NAALADL2: variants seen among roughly 807,000 people sequenced by gnomAD.
NAALADL2 encodes the protein N-acetylated alpha-linked acidic dipeptidase like 2.
A neutral mutation model predicts 87.2 loss-of-function variants in NAALADL2; 76 were observed. The ratio of observed to expected loss-of-function variants is 0.87; its 90% CI spans 0.72 to 1.05. The LOEUF is 1.05. Among genes scored for constraint, NAALADL2 ranks in the 50% least tolerant of loss-of-function variants. The pLI, the probability that NAALADL2 is intolerant of heterozygous loss-of-function variation, is 0.00. For synonymous variants in NAALADL2, 354 were observed against 331.0 expected, an observed-to-expected ratio of 1.07 and a Z score of -0.75; for missense variants, 1,089 against 945.8, an observed-to-expected ratio of 1.15 and a Z score of -1.99.
At chr3:174,956,677 A>G (rs897584716) in intron 1 of NAALADL2, among the ~76,000 whole-genome samples, 1 of 151,996 alleles carries the variant, frequency 6.6e-6, no homozygotes, top group Admixed American at 6.6e-5. Flanking sequence ...GGATCTAAAA[A>G]CACTTCTTTG....
In NAALADL2 at chr3:175,314,688, A is replaced by ATATGTATATATAGTTCTAAC. The variant is rs1553857534; in HGVS notation, c.940-9484_940-9483insGTATATATAGTTCTAACTAT. Among the ~76,000 whole-genome samples, 152 of 39,616 alleles carry ATATGTATATATAGTTCTAAC rather than the reference A, an allele frequency of 3.8e-3. 2 individuals are homozygous for ATATGTATATATAGTTCTAAC. Among genetic ancestry groups the ATATGTATATATAGTTCTAAC allele is most frequent in the Non-Finnish European group, 5.7e-3 (128 of 22,512 alleles). 26.0% of individuals were successfully genotyped at this position (39,616 alleles called of 152,430 possible). ...TAACTATATATATATATATATATATATATATATATATATATATATATATAT... is the reference window on the plus strand; with the variant it reads ...TAACTATATATATATATATATATATATATGTATATATAGTTCTAACTATATATATATATATATATATATAT... On this transcript the variant is annotated intron_variant, in intron 4 of 13. Coordinates refer to ENST00000454872, the MANE Select transcript of NAALADL2 (RefSeq NM_207015.3).
intron 3 of NAALADL2, among the ~76,000 whole-genome samples, chr3:174,816,539 T>A (rs1199244960): frequency 2.7e-5 from 4 of 148,264 alleles, no homozygotes; most frequent in African/African-American, 7.3e-5. Context: ...ATATAATTTT[T>A]AATATATATA....
chr3:174,855,805 CACACACACACACACAT>C (rs1329251305), upstream of NAALADL2, among the ~76,000 whole-genome samples: 29 of 149,408 alleles, frequency 1.9e-4, no homozygotes, highest in African/African-American at 6.4e-4. Context: ...CACACACACA[CACACACACACACACAT>C]GTATATGTCT....
chr3:174,919,800 T>C (rs188750193), intron 1 of NAALADL2, among the ~76,000 whole-genome samples: 1 of 152,340 alleles, frequency 6.6e-6, no homozygotes, highest in Admixed American at 6.5e-5. Flanking sequence ...TACAGCTTTA[T>C]GAAATGTGTT....
At chr3:175,103,913 A>C (rs1358338098) in intron 2 of NAALADL2, among the ~76,000 whole-genome samples, 5 of 152,140 alleles carry the variant, frequency 3.3e-5, no homozygotes, top group African/African-American at 1.2e-4. Flanking sequence ...CAATCTACCT[A>C]GAAACAAAAT....
At chr3:175,355,945 G>A (rs770414668) in intron 5 of NAALADL2, among the ~76,000 whole-genome samples, 5 of 152,152 alleles carry the variant, frequency 3.3e-5, no homozygotes, top group Non-Finnish European at 5.9e-5. Context: ...TTCTTCCTAA[G>A]TTAAGAATTA....
rs1244400650 is a variant in NAALADL2 at position 175,718,195 on chromosome 3, G to GTTTT, written c.1897-19086_1897-19083dup. The GTTTT allele has an allele frequency of 2.5e-4, 209 of 823,362 alleles. 40 individuals carry two copies. Among genetic ancestry groups the GTTTT allele is most frequent in the African/African-American group, 2.4e-3 (75 of 31,582 alleles). 51.0% of individuals were successfully genotyped at this position (823,362 alleles called of 1,614,324 possible). On this transcript the variant is annotated intron_variant, in intron 11 of 13. Coordinates refer to ENST00000454872, the MANE Select transcript of NAALADL2 (RefSeq NM_207015.3). Reference sequence around the variant, plus strand: ...TGGAGGGGAAGGGGAAGGGCCTGTGGTTTTTTTTTTTTTTTTTTTTTTTTT... The same window carrying GTTTT: ...TGGAGGGGAAGGGGAAGGGCCTGTGGTTTTTTTTTTTTTTTTTTTTTTTTTTTTT...
chr3:175,615,173 A>G (rs1476104147), intron 10 of NAALADL2, among the ~76,000 whole-genome samples: 1 of 152,180 alleles, frequency 6.6e-6, no homozygotes. Context: ...TTTGTTATGC[A>G]CTGAGCTACA....
At chr3:174,764,026 G>T (rs1851558) in intron 3 of NAALADL2, among the ~76,000 whole-genome samples, 81,709 of 151,866 alleles carry the variant, frequency 0.54, 22,314 homozygotes, top group Middle Eastern at 0.67. Flanking sequence ...AATCATATAG[G>T]TCAATCTGCT....
At chr3:174,637,784 C>G (rs1174610681) in intron 2 of NAALADL2, among the ~76,000 whole-genome samples, 1 of 151,946 alleles carries the variant, frequency 6.6e-6, no homozygotes, top group African/African-American at 2.4e-5. Flanking sequence ...TAGAAAAATA[C>G]ACATGTATAT....
intron 1 of NAALADL2, chr3:174,523,296 G>T (rs760311852): frequency 1.3e-5 from 2 of 152,090 alleles, no homozygotes; most frequent in African/African-American, 4.8e-5. Flanking sequence ...AATAATAGCA[G>T]TACCATTAGA....
chr3:175,604,800 A>G (rs1723464475), intron 10 of NAALADL2, among the ~76,000 whole-genome samples: 1 of 152,178 alleles, frequency 6.6e-6, no homozygotes, highest in South Asian at 2.1e-4. Flanking sequence ...AAACATCCTT[A>G]TCAGGTATCC....
At position 175,804,486 on chromosome 3, in the gene NAALADL2, G is replaced by A. The variant is rs183298083; in HGVS notation, c.*1283G>A. On this transcript the variant is annotated 3_prime_UTR_variant, in exon 14 of 14. Transcript: ENST00000454872. ...AACCCTAAAATTCTACCTATTAGGTGTCAGGTTAAAGTTCTAATTTATCTT... is the reference window on the plus strand; with the variant it reads ...AACCCTAAAATTCTACCTATTAGGTATCAGGTTAAAGTTCTAATTTATCTT... The A allele has an allele frequency of 2.5e-4, 38 of 151,864 alleles. No homozygotes were observed. In the East Asian group the frequency reaches 6.8e-3, roughly 27 times the overall value. The allele number at this position is 151,864 out of a possible 1,614,324, so 9.4% of individuals were successfully genotyped here.
At position 174,819,058 on chromosome 3, in the gene NAALADL2, C is replaced by CTTT. The variant is rs3040106; in HGVS notation, c.-9+81338_-9+81340dup. On this transcript the variant is annotated intron_variant, in intron 3 of 3. Coordinates refer to the NAALADL2 transcript ENST00000434257. ...GAATTTCTTTATTATACCATTTATT[C>CTTT]TTTTTTTTTTTTTTTTTTTTTTTTT... Among the ~76,000 whole-genome samples the CTTT allele has an allele frequency of 6.5e-4, 31 of 47,544 alleles. 5 individuals carry two copies. The highest frequency in any genetic ancestry group is 8.7e-4 in the Admixed American group (3 of 3,466). 31.2% of individuals were successfully genotyped at this position (47,544 alleles called of 152,430 possible).
At chr3:175,350,787 C>T (rs1376503928) in intron 5 of NAALADL2, among the ~76,000 whole-genome samples, 1 of 152,078 alleles carries the variant, frequency 6.6e-6, no homozygotes, top group Non-Finnish European at 1.5e-5. Flanking sequence ...CTCTAGTTAA[C>T]TCAATGGCCT....
intron 9 of NAALADL2, among the ~76,000 whole-genome samples, chr3:175,567,379 A>ATT (rs146216483): frequency 6.7e-6 from 1 of 149,974 alleles, no homozygotes; most frequent in Non-Finnish European, 1.5e-5. Context: ...GTATTTCTCT[A>ATT]TTTTTTTTTT....
chr3:175,203,876 C>A (rs972454449), intron 2 of NAALADL2, among the ~76,000 whole-genome samples: 6 of 152,122 alleles, frequency 3.9e-5, no homozygotes, highest in Admixed American at 3.3e-4. Context: ...AAAAACACAA[C>A]CCTCCTAGCT....
chr3:175,131,028 A>C (rs971407475), intron 2 of NAALADL2, among the ~76,000 whole-genome samples: 1 of 152,054 alleles, frequency 6.6e-6, no homozygotes. Flanking sequence ...TAATTCTTCT[A>C]ATTCATGTAC....
At chr3:175,198,573 A>T (rs1739347116) in intron 2 of NAALADL2, among the ~76,000 whole-genome samples, 1 of 152,054 alleles carries the variant, frequency 6.6e-6, no homozygotes, top group Admixed American at 6.6e-5. Context: ...TACTCTTTTC[A>T]CAATGCTGGA....
Sources: allele counts gnomAD v4.1 joint callset (sites outside exome capture counted in the v4.1 genomes callset), GRCh38; gene constraint gnomAD v4.1.1; transcripts MANE v1.5; gene names NCBI Gene and HGNC (gene_info 2026-07-23, HGNC 2026-07-21).